The following TIGD3 variants were observed in gnomAD, a reference collection of about 807,000 sequenced individuals.
TIGD3 encodes tigger transposable element-derived protein 3.
TIGD3 carries 7 observed loss-of-function variants against 14.8 expected under a neutral mutation model. The ratio of observed to expected loss-of-function variants is 0.47; its 90% CI spans 0.27 to 0.89. TIGD3 has a LOEUF of 0.89. Ranked by LOEUF, TIGD3 falls within the 40% of genes least tolerant of loss-of-function variation. The pLI, the probability that TIGD3 is intolerant of heterozygous loss-of-function variation, is 0.13. For synonymous variants in TIGD3, 243 were observed against 269.4 expected, an observed-to-expected ratio of 0.90 and a Z score of 0.96; for missense variants, 581 against 611.0, an observed-to-expected ratio of 0.95 and a Z score of 0.52.
In TIGD3 at chr11:65,357,334, A is replaced by T; in HGVS notation, c.*110A>T. 9.4e-7 allele frequency: 1 copy of T among 1,065,230 alleles called. No homozygotes were observed. Among genetic ancestry groups the T allele is most frequent in the South Asian group, 1.6e-5 (1 of 63,616 alleles). The allele number at this position is 1,065,230 out of a possible 1,614,324, so 66.0% of individuals were successfully genotyped here. ...TTTCCTGTGGAAATAGAACTGTCGT[A>T]AAGGTGTAGAAGGGAGAGAAGTTGG... On this transcript the variant is annotated 3_prime_UTR_variant, in exon 2 of 2. Transcript: ENST00000309880.
At chr11:65,355,745 T>G (rs1854840202) in intron 1 of TIGD3, 48 bp from the exon 2 acceptor site, 1 of 1,485,658 alleles carries the variant, frequency 6.7e-7, no homozygotes, top group Non-Finnish European at 9.1e-7. Flanking sequence ...TTCCTAGCTC[T>G]TCCGGCCTCA....
chr11:65,356,296 C>A lies in TIGD3; in HGVS notation c.488C>A (p.Ser163Tyr). The change falls in exon 2 of 2, where the codon TCC becomes TAC. Residue 163 changes from serine (S) to tyrosine (Y), a missense_variant. Ser to Tyr is a moderately radical substitution (Grantham distance 144, BLOSUM62 -2). Transcript: ENST00000309880. This position sits in a 1 kb window ranked among gnomAD's most constrained non-coding sequence, Gnocchi z 5.2. ...GLTSQAQLPLSLKDFSPEDVF... is the reference protein window; with the variant it reads ...GLTSQAQLPLYLKDFSPEDVF... The stretch of plus-strand genomic sequence containing the variant: ...ACATCCCAGGCTCAGCTGCCTCTTT[C>A]CCTAAAAGACTTCTCTCCAGAGGAC... The A allele has an allele frequency of 6.2e-7, 1 of 1,612,870 alleles. No individual in the cohort carries two copies. The highest frequency in any genetic ancestry group is 2.2e-5 in the East Asian group (1 of 44,890).
At chr11:65,355,680 C>T in intron 1 of TIGD3, 113 bp from the exon 2 acceptor site, 1 of 912,176 alleles carries the variant, frequency 1.1e-6, no homozygotes, top group Non-Finnish European at 1.6e-6. Flanking sequence ...CGGGTCCAGT[C>T]TCACCCGGTG....
chr11:65,356,388 C>G lies in TIGD3; in HGVS notation c.580C>G (p.Gln194Glu). Residue 194 changes from glutamine to glutamate, a missense_variant, in exon 2 of 2, where the codon CAA becomes GAA. Gln to Glu is a conservative substitution (Grantham distance 29, BLOSUM62 2). Coordinates refer to ENST00000309880, the MANE Select transcript of TIGD3 (RefSeq NM_145719.3). The surrounding 1 kb of genome is among the most constrained non-coding windows in gnomAD (Gnocchi z 5.2). ...GCCCGGCAGCTTTGGTGCATGTGAT[C>G]AAGTACAGGTGCTGCTGTGTGCCAA... ...AVPGSFGACDQVQVLLCANSR... is the reference protein window; with the variant it reads ...AVPGSFGACDEVQVLLCANSR... 1 of 1,610,982 alleles carries G rather than the reference C, an allele frequency of 6.2e-7. No homozygotes were observed. The highest frequency in any genetic ancestry group is 8.5e-7 in the Non-Finnish European group (1 of 1,180,028).
chr11:65,355,727 G>T, intron 1 of TIGD3, 66 bp from the exon 2 acceptor site: 1 of 1,346,068 alleles, frequency 7.4e-7, no homozygotes, highest in Non-Finnish European at 1.0e-6. Flanking sequence ...TTTCCCTCCT[G>T]CGCTCCTTTC....
chr11:65,355,458 G>A (rs1391378153), intron 1 of TIGD3, among the ~76,000 whole-genome samples: 2 of 141,670 alleles, frequency 1.4e-5, no homozygotes, highest in Non-Finnish European at 3.1e-5. Context: ...TGCCCCCTCG[G>A]CCCCAGTCCC....
At position 65,356,663 on chromosome 11, in the gene TIGD3, G is replaced by C. The variant is rs1266614393; in HGVS notation, c.855G>C (p.Leu285Phe). ...CTGGGCTCTACCACGTGAAGCTCTT[G>C]CCTCTGGCCGCCTCTAGCACCACGC... ...GLPGLYHVKL[L>F]PLAASSTTPP... Residue 285 changes from leucine to phenylalanine, a missense_variant, in exon 2 of 2, where the codon TTG becomes TTC. Coordinates refer to ENST00000309880, the MANE Select transcript of TIGD3 (RefSeq NM_145719.3). The surrounding 1 kb of genome is among the most constrained non-coding windows in gnomAD (Gnocchi z 5.2). The C allele has an allele frequency of 2.5e-6, 4 of 1,613,046 alleles. No individual in the cohort carries two copies. Among genetic ancestry groups the C allele is most frequent in the Non-Finnish European group, 3.4e-6 (4 of 1,180,008 alleles).
rs1565551317 is a variant in TIGD3 at position 65,356,941 on chromosome 11, C to CT, written c.1134dup (p.Glu379Ter). The CT allele has an allele frequency of 3.1e-6, 5 of 1,614,166 alleles. No homozygotes were observed. The highest frequency in any genetic ancestry group is 4.2e-6 in the Non-Finnish European group (5 of 1,180,040). The stretch of plus-strand genomic sequence containing the variant: ...ACGCCCCCGTCCTCGCACAAAACCT[C>CT]TGAGATGCCACCAGTCCCCGGCGGG... On this transcript the variant is annotated frameshift_variant, in exon 2 of 2. Coordinates refer to ENST00000309880, the MANE Select transcript of TIGD3 (RefSeq NM_145719.3). LOFTEE classifies it low-confidence loss of function (END_TRUNC). This position sits in a 1 kb window ranked among gnomAD's most constrained non-coding sequence, Gnocchi z 5.2.
intron 1 of TIGD3, 70 bp downstream of exon 1, chr11:65,355,027 G>C (rs1170427938): frequency 6.6e-6 from 1 of 151,960 alleles, no homozygotes; most frequent in Non-Finnish European, 1.5e-5. Flanking sequence ...CCGGGTCGAG[G>C]GGGAGTGACC....
rs1565550339 is a variant in TIGD3, at chr11:65,356,247, CCT to C, written c.440_441del (p.Pro147ArgfsTer30). On this transcript the variant is annotated frameshift_variant, in exon 2 of 2. Transcript: ENST00000309880. LOFTEE classifies it high-confidence loss of function. This position sits in a 1 kb window ranked among gnomAD's most constrained non-coding sequence, Gnocchi z 5.2. ...ARHVLAPSFPPEPPPPGLTSQ... is the reference protein window; with the variant it reads ...ARHVLAPSFPXEPPPPGLTSQ... Reference sequence around the variant, plus strand: ...CCATGTTCTTGCGCCTTCATTCCCCCCTGAGCCACCTCCCCCGGGGCTCACAT... The same window carrying C: ...CCATGTTCTTGCGCCTTCATTCCCCCGAGCCACCTCCCCCGGGGCTCACAT... 7.4e-6 allele frequency: 12 copies of C among 1,613,144 alleles called. No homozygotes were observed. Among genetic ancestry groups the C allele is most frequent in the African/African-American group, 1.3e-5 (1 of 75,064 alleles).
In TIGD3 at chr11:65,356,079, C is replaced by T. The variant is rs1854848288; in HGVS notation, c.271C>T (p.Arg91Trp). 1.9e-6 allele frequency: 3 copies of T among 1,611,830 alleles called. No individual in the cohort carries two copies. Among genetic ancestry groups the T allele is most frequent in the Non-Finnish European group, 2.5e-6 (3 of 1,180,022 alleles). ...TCTGCTCTGCTGGTACCACATTGCC[C>T]GGGCCAAGGCCTGGGACGTGACGGG... ...EALLCWYHIA[R>W]AKAWDVTGPM... The change falls in exon 2 of 2, where the codon CGG becomes TGG. Residue 91 changes from arginine (R) to tryptophan (W), a missense_variant. Transcript: ENST00000309880. The surrounding 1 kb of genome is among the most constrained non-coding windows in gnomAD (Gnocchi z 5.2).
Position 65,356,506 on chromosome 11 carries a change from C to A in TIGD3, c.698C>A (p.Ala233Asp). The change falls in exon 2 of 2, where the codon GCC (alanine) becomes GAC (aspartate). Residue 233 changes from alanine (A) to aspartate (D), a missense_variant. Coordinates refer to ENST00000309880, the MANE Select transcript of TIGD3 (RefSeq NM_145719.3). The surrounding 1 kb of genome is among the most constrained non-coding windows in gnomAD (Gnocchi z 5.2). The stretch of plus-strand genomic sequence containing the variant: ...GGGATCCGCAGTGAGGCTCTGCCTG[C>A]CTCCTACCACCCGGACCTGGGCATC... ...FFGIRSEALP[A>D]SYHPDLGIPW... 6.2e-7 allele frequency: 1 copy of A among 1,606,684 alleles called. No individual in the cohort carries two copies.
At position 65,356,741 on chromosome 11, in the gene TIGD3, G is replaced by A; in HGVS notation, c.933G>A (p.Arg311=). 4 of 1,613,162 alleles carry A rather than the reference G, an allele frequency of 2.5e-6. No individual in the cohort carries two copies. Among genetic ancestry groups the A allele is most frequent in the Non-Finnish European group, 3.4e-6 (4 of 1,179,996 alleles). Reference sequence around the variant, plus strand: ...CCTTTAAGGCCCATTACCGACACCGGCTGTTGGGCAAACTGGCTGCCATCC... The same window carrying A: ...CCTTTAAGGCCCATTACCGACACCGACTGTTGGGCAAACTGGCTGCCATCC... The part of the protein sequence containing the change: ...VRAFKAHYRH[R]LLGKLAAIQS... Residue 311 remains arginine (R), a synonymous_variant, in exon 2 of 2, where the codon CGG becomes CGA. Coordinates refer to ENST00000309880, the MANE Select transcript of TIGD3 (RefSeq NM_145719.3). The surrounding 1 kb of genome is among the most constrained non-coding windows in gnomAD (Gnocchi z 5.2).
Position 65,355,894 on chromosome 11 carries a change from T to C in TIGD3, c.86T>C (p.Met29Thr), listed in dbSNP as rs1213777665. ...QVLELLDESK[M>T]SQSEVARRFQ... ...CTGGAACTCCTGGATGAGTCCAAGA[T>C]GTCCCAGTCGGAGGTGGCCCGGCGC... Residue 29 changes from methionine (M) to threonine (T), a missense_variant, in exon 2 of 2, where the codon ATG (methionine) becomes ACG (threonine). By Grantham distance (81) the Met-to-Thr change is moderately conservative. Transcript: ENST00000309880. The C allele has an allele frequency of 6.2e-7, 1 of 1,613,838 alleles. No individual in the cohort carries two copies. Among genetic ancestry groups the C allele is most frequent in the East Asian group, 2.2e-5 (1 of 44,896 alleles).
In TIGD3 at chr11:65,356,208, G is replaced by T. The variant is rs865909158; in HGVS notation, c.400G>T (p.Gly134Cys). ...CCGCTGGAAACGCCGAAACAACGTCGGCTTTGGGGCCCGCCATGTTCTTGC... is the reference window on the plus strand; with the variant it reads ...CCGCTGGAAACGCCGAAACAACGTCTGCTTTGGGGCCCGCCATGTTCTTGC... Reference protein sequence around the residue: ...LVRWKRRNNVGFGARHVLAPS... With the variant: ...LVRWKRRNNVCFGARHVLAPS... Residue 134 changes from glycine (G) to cysteine (C), a missense_variant, in exon 2 of 2, where the codon GGC becomes TGC. Gly to Cys is a radical substitution (Grantham distance 159). Transcript: ENST00000309880. This position sits in a 1 kb window ranked among gnomAD's most constrained non-coding sequence, Gnocchi z 5.2. 3 of 1,612,088 alleles carry T rather than the reference G, an allele frequency of 1.9e-6. No homozygotes were observed. Among genetic ancestry groups the T allele is most frequent in the Middle Eastern group, 1.7e-4 (1 of 6,060 alleles).
In TIGD3 at chr11:65,355,902, T is replaced by C; in HGVS notation, c.94T>C (p.Ser32Pro). Residue 32 changes from serine (S) to proline (P), a missense_variant, in exon 2 of 2, where the codon TCG (serine) becomes CCG (proline). Transcript: ENST00000309880. ...CCTGGATGAGTCCAAGATGTCCCAGTCGGAGGTGGCCCGGCGCTTCCAGGT... is the reference window on the plus strand; with the variant it reads ...CCTGGATGAGTCCAAGATGTCCCAGCCGGAGGTGGCCCGGCGCTTCCAGGT... ...ELLDESKMSQ[S>P]EVARRFQVSQ... The C allele has an allele frequency of 6.2e-7, 1 of 1,613,914 alleles. No homozygotes were observed.
chr11:65,357,150 A>C lies in TIGD3; in HGVS notation c.1342A>C (p.Asn448His). 6.2e-7 allele frequency: 1 copy of C among 1,614,222 alleles called. No individual in the cohort carries two copies. Among genetic ancestry groups the C allele is most frequent in the Non-Finnish European group, 8.5e-7 (1 of 1,180,038 alleles). ...CACCTTGAGGAGGTGGTTTGAATGC[A>C]ACAGCACTTCTCCTGAGCTATTCGA... is the stretch of plus-strand genomic sequence containing the variant. ...LGTLRRWFEC[N>H]STSPELFEKF... The change falls in exon 2 of 2, where the codon AAC (asparagine) becomes CAC (histidine). Residue 448 changes from asparagine (N) to histidine (H), a missense_variant. Physicochemically the swap from Asn to His is moderately conservative, Grantham distance 68. Transcript: ENST00000309880.
At chr11:65,355,264 G>A (rs1432286513) in intron 1 of TIGD3, among the ~76,000 whole-genome samples, 3 of 151,366 alleles carry the variant, frequency 2.0e-5, no homozygotes, top group South Asian at 4.2e-4. Context: ...CTCAGGACCC[G>A]GCACCAAATT....
At position 65,356,475 on chromosome 11, in the gene TIGD3, T is replaced by C. The variant is rs1430301403; in HGVS notation, c.667T>C (p.Phe223Leu). The change falls in exon 2 of 2, where the codon TTC becomes CTC. Residue 223 changes from phenylalanine to leucine, a missense_variant. Phe to Leu is a conservative substitution (Grantham distance 22). Transcript: ENST00000309880. This position sits in a 1 kb window ranked among gnomAD's most constrained non-coding sequence, Gnocchi z 5.2. ...LGGLQAAPRC[F>L]FGIRSEALPA... ...TGGGCTCCAGGCTGCCCCGAGATGC[T>C]TCTTTGGGATCCGCAGTGAGGCTCT... The C allele has an allele frequency of 5.0e-6, 8 of 1,607,240 alleles. No homozygotes were observed. The South Asian group carries it at 8.8e-5, about 18-fold the overall frequency.
Sources: gnomAD v4.1 joint callset for allele counts (sites outside exome capture counted in the v4.1 genomes callset) on GRCh38, gnomAD v4.1.1 for gene constraint, Gnocchi (gnomAD v3.1) non-coding constraint, MANE v1.5 for transcripts, NCBI Gene and HGNC (gene_info 2026-07-23, HGNC 2026-07-21) for gene names.